Variants in PROX1 observed in about 807,000 individuals in gnomAD.
PROX1 encodes prospero homeobox 1.
Under a neutral mutation model 58.8 loss-of-function variants are expected in PROX1, and 7 were observed. The ratio of observed to expected loss-of-function variants is 0.12; its 90% CI spans 0.07 to 0.22. The LOEUF (loss-of-function observed/expected upper bound fraction) is 0.22. PROX1 is among the 10% of genes least tolerant of loss of function. PROX1 has a pLI of 1.00. For synonymous variants in PROX1, 350 were observed against 358.3 expected, an observed-to-expected ratio of 0.98 and a Z score of 0.26; for missense variants, 675 against 927.8, an observed-to-expected ratio of 0.73 and a Z score of 3.54.
rs1258031167 is a variant in PROX1 at position 214,011,199 on chromosome 1, T to C, written c.1834-322T>C. 1.1e-4 allele frequency among the ~76,000 whole-genome samples: 16 copies of C among 152,206 alleles called. No individual in the cohort carries two copies. The East Asian group carries it at 3.1e-3, about 29-fold the overall frequency. On this transcript the variant is annotated intron_variant, in intron 3 of 4. Coordinates refer to ENST00000366958, the MANE Select transcript of PROX1 (RefSeq NM_001270616.2). Reference sequence around the variant, plus strand: ...TCAATGAATGTCCATAAGAAGTATATAAATGCAAGTTGTTCTACTGAAAGA... The same window carrying C: ...TCAATGAATGTCCATAAGAAGTATACAAATGCAAGTTGTTCTACTGAAAGA...
intron 3 of PROX1, among the ~76,000 whole-genome samples, chr1:214,006,745 A>G (rs1663728005): frequency 1.3e-5 from 2 of 152,290 alleles, no homozygotes; most frequent in East Asian, 3.9e-4. Context: ...CATGGAGGAC[A>G]GGGAGAAAAG....
intron 4 of PROX1, 35 bp downstream of exon 4, chr1:214,011,750 T>TTC: frequency 6.7e-7 from 1 of 1,496,912 alleles, no homozygotes; most frequent in Non-Finnish European, 9.0e-7. Flanking sequence ...GTCATCTCCC[T>TTC]TTTCCTTTTT....
In PROX1 at chr1:213,996,734, T is replaced by G; in HGVS notation, c.199T>G (p.Ser67Ala). 1 of 1,614,100 alleles carries G rather than the reference T, an allele frequency of 6.2e-7. No individual in the cohort carries two copies. The highest frequency in any genetic ancestry group is 8.5e-7 in the Non-Finnish European group (1 of 1,180,024). The change falls in exon 2 of 5, where the codon TCA becomes GCA. Residue 67 changes from serine (S) to alanine (A), a missense_variant. By Grantham distance (99) the Ser-to-Ala change is moderately conservative. Coordinates refer to ENST00000366958, the MANE Select transcript of PROX1 (RefSeq NM_001270616.2). The stretch of plus-strand genomic sequence containing the variant: ...GGTGCAGCATGCAGATGGGGAAAAG[T>G]CAAATGTACTCCGCAAGCTGCTGAA... ...SVVQHADGEK[S>A]NVLRKLLKRA...
At chr1:213,989,233 G>T (rs978344848) in intron 1 of PROX1, among the ~76,000 whole-genome samples, 34 of 152,058 alleles carry the variant, frequency 2.2e-4, no homozygotes, top group African/African-American at 7.7e-4. Flanking sequence ...GGAGGGGAGC[G>T]GTGATGGGTC....
At chr1:214,031,198 A>T (rs759913713) in intron 4 of PROX1, among the ~76,000 whole-genome samples, 1 of 152,170 alleles carries the variant, frequency 6.6e-6, no homozygotes, top group Non-Finnish European at 1.5e-5. Flanking sequence ...AGGAGACTCA[A>T]GTCTGTGATG....
At chr1:214,013,538 C>T (rs575011752) in intron 4 of PROX1, among the ~76,000 whole-genome samples, 12 of 150,616 alleles carry the variant, frequency 8.0e-5, no homozygotes, top group Non-Finnish European at 1.5e-4. Context: ...TATAAAATAC[C>T]CAAGAGGACA....
chr1:213,998,063 G>A lies in PROX1; in HGVS notation c.1528G>A (p.Ala510Thr). Residue 510 changes from alanine (A) to threonine (T), a missense_variant, in exon 2 of 5, where the codon GCC becomes ACC. By Grantham distance (58) the Ala-to-Thr change is moderately conservative. Transcript: ENST00000366958. ...PSGSFSGKDR[A>T]SPESLDLTRD... Reference sequence around the variant, plus strand: ...CGGCTCCTTCTCTGGAAAAGACAGAGCCTCTCCTGAATCCTTAGACTTAAC... The same window carrying A: ...CGGCTCCTTCTCTGGAAAAGACAGAACCTCTCCTGAATCCTTAGACTTAAC... 1 of 1,613,340 alleles carries A rather than the reference G, an allele frequency of 6.2e-7. No homozygotes were observed. The highest frequency in any genetic ancestry group is 8.5e-7 in the Non-Finnish European group (1 of 1,179,574).
Position 213,998,231 on chromosome 1 carries a change from T to C in PROX1, c.1696T>C (p.Ser566Pro), listed in dbSNP as rs538158066. 1 of 1,584,176 alleles carries C rather than the reference T, an allele frequency of 6.3e-7. No homozygotes were observed. The highest frequency in any genetic ancestry group is 1.4e-5 in the African/African-American group (1 of 73,798). The change falls in exon 2 of 5, where the codon TCT becomes CCT. Residue 566 changes from serine to proline, a missense_variant. Physicochemically the swap from Ser to Pro is moderately conservative, Grantham distance 74. Coordinates refer to ENST00000366958, the MANE Select transcript of PROX1 (RefSeq NM_001270616.2). ...KSECGDLQDM[S>P]EISPYSGSAM... ...CGAGTGCGGCGATCTTCAAGATATG[T>C]CTGAAATATCACCTTATTCGGGAAG...
rs1293408669 is a variant in PROX1, at chr1:214,036,315, G to A, written c.*481G>A. 1.3e-5 allele frequency: 2 copies of A among 152,196 alleles called. No homozygotes were observed. The highest frequency in any genetic ancestry group is 2.9e-5 in the Non-Finnish European group (2 of 68,086). 9.4% of individuals were successfully genotyped at this position (152,196 alleles called of 1,614,324 possible). ...ACCACTTCATACATTTAAGTATTTT[G>A]TTTGGTTTGAACTCAATCAGTAGCT... On this transcript the variant is annotated 3_prime_UTR_variant, in exon 5 of 5. Transcript: ENST00000366958.
chr1:213,990,530 G>T (rs370726420), intron 1 of PROX1, among the ~76,000 whole-genome samples: 1 of 152,046 alleles, frequency 6.6e-6, no homozygotes, highest in African/African-American at 2.4e-5. Context: ...CTGTCTGCCA[G>T]TCAGCCCAAA....
At chr1:214,033,537 G>T (rs1271194956) in intron 4 of PROX1, among the ~76,000 whole-genome samples, 1 of 152,206 alleles carries the variant, frequency 6.6e-6, no homozygotes. Flanking sequence ...GGCAGAGGTT[G>T]CAGTGAGCCA....
intron 4 of PROX1, among the ~76,000 whole-genome samples, chr1:214,026,840 G>T (rs775973481): frequency 6.5e-4 from 99 of 152,264 alleles, no homozygotes; most frequent in Non-Finnish European, 1.3e-3. Context: ...CCAAAATTCA[G>T]CTCCTGTGAT....
chr1:214,012,995 G>A (rs975900358), intron 4 of PROX1, among the ~76,000 whole-genome samples: 3 of 152,048 alleles, frequency 2.0e-5, no homozygotes, highest in South Asian at 4.1e-4. Context: ...GGCTTATAAA[G>A]AATTGAATAT....
chr1:213,991,483 A>G (rs1490283602), intron 1 of PROX1, among the ~76,000 whole-genome samples: 1 of 152,204 alleles, frequency 6.6e-6, no homozygotes, highest in Admixed American at 6.5e-5. Flanking sequence ...TTTGGTAATT[A>G]AAATGTCATC....
chr1:214,000,043 T>TACACAC lies in PROX1; in HGVS notation c.1725+1801_1725+1806dup, dbSNP rs10536742. Among the ~76,000 whole-genome samples, 1,379 of 149,240 alleles carry TACACAC rather than the reference T, an allele frequency of 9.2e-3. 28 individuals carry two copies. Among genetic ancestry groups the TACACAC allele is most frequent in the African/African-American group, 0.033 (1,329 of 40,826 alleles). On this transcript the variant is annotated intron_variant, in intron 2 of 4. Transcript: ENST00000366958. ...GTTCTTTCTGTCTCTCTCTCTCTCT[T>TACACAC]ACACACACACACACACACACACAGA...
chr1:214,006,737 T>C (rs1250175465), intron 3 of PROX1, among the ~76,000 whole-genome samples: 5 of 152,118 alleles, frequency 3.3e-5, no homozygotes, highest in Admixed American at 3.3e-4. Context: ...GGAGGGGACA[T>C]GGAGGACAGG....
chr1:214,012,490 T>C (rs1663947863), intron 4 of PROX1, among the ~76,000 whole-genome samples: 1 of 152,240 alleles, frequency 6.6e-6, no homozygotes. Flanking sequence ...CATTTCTTTA[T>C]GGGCTAATGT....
rs200548077 is a variant in PROX1, at chr1:213,997,136, C to A, written c.601C>A (p.Arg201=). The A allele has an allele frequency of 6.8e-6, 11 of 1,613,382 alleles. No homozygotes were observed. The East Asian group carries it at 2.5e-4, about 36-fold the overall frequency. ...REMAPQSVSP[R]ESYRENKRKQ... The stretch of plus-strand genomic sequence containing the variant: ...GATGGCCCCGCAGTCTGTGAGTCCC[C>A]GAGAAAGTTACAGAGAAAACAAACG... The change falls in exon 2 of 5, where the codon CGA becomes AGA. Residue 201 remains arginine, a synonymous_variant. Transcript: ENST00000366958. This position sits in a 1 kb window ranked among gnomAD's most constrained non-coding sequence, Gnocchi z 7.1.
chr1:214,002,412 C>CTTTTTTTTTTTTTTTTTTTT (rs774337530), intron 2 of PROX1, among the ~76,000 whole-genome samples: 3 of 116,378 alleles, frequency 2.6e-5, no homozygotes, highest in Non-Finnish European at 3.5e-5. Flanking sequence ...TTTCTTTTTT[C>CTTTTTTTTTTTTTTTTTTTT]TTTTTTTTTT....
Sources: gnomAD v4.1 joint callset for allele counts (sites outside exome capture counted in the v4.1 genomes callset) on GRCh38, gnomAD v4.1.1 for gene constraint, Gnocchi (gnomAD v3.1) non-coding constraint, MANE v1.5 for transcripts, NCBI Gene and HGNC (gene_info 2026-07-23, HGNC 2026-07-21) for gene names.